ZSWIM5: variants seen among roughly 807,000 people sequenced by gnomAD.
The protein encoded by ZSWIM5 is zinc finger SWIM-type containing 5, also known as zinc finger SWIM domain-containing protein 5.
ZSWIM5 carries 55 observed loss-of-function variants against 119.6 expected under a neutral mutation model. The observed-to-expected ratio is 0.46, with a 90% CI of 0.37 to 0.58. The LOEUF is 0.58. Among genes scored for constraint, ZSWIM5 ranks in the 20% least tolerant of loss-of-function variants. The pLI is 0.00. For synonymous variants in ZSWIM5, 537 were observed against 606.9 expected (o/e 0.88, Z 1.69); for missense variants, 1,193 against 1,512.8 (o/e 0.79, Z 3.51).
chr1:45,061,101 T>C (rs1314460223), intron 2 of ZSWIM5, among the ~76,000 whole-genome samples: 1 of 152,150 alleles, frequency 6.6e-6, no homozygotes, highest in Non-Finnish European at 1.5e-5. Context: ...ACTTAAAACA[T>C]AGTTATAGTT....
intron 1 of ZSWIM5, among the ~76,000 whole-genome samples, chr1:45,107,636 T>C (rs146770239): frequency 0.023 from 2,879 of 126,338 alleles, 115 homozygotes; most frequent in African/African-American, 0.094. Flanking sequence ...AGTGAGACTC[T>C]GTCTCAAAAA....
At chr1:45,146,431 CTTTTTTTTTTTT>C (rs35073818) in intron 1 of ZSWIM5, among the ~76,000 whole-genome samples, 3 of 45,882 alleles carry the variant, frequency 6.5e-5, no homozygotes, top group Admixed American at 2.5e-4. Flanking sequence ...TGTTTCTAGA[CTTTTTTTTTTTT>C]TTTTTTTTTT....
Position 45,018,315 on chromosome 1 carries a change from A to G in ZSWIM5, c.*139T>C, listed in dbSNP as rs1644867342. On this transcript the variant is annotated 3_prime_UTR_variant, in exon 14 of 14. Transcript: ENST00000359600. The surrounding 1 kb of genome is among the most constrained non-coding windows in gnomAD (Gnocchi z 6.7). ...TATCGACTAGAGCTGGACTTTCCCC[A>G]TCCTTAGCCCTGTGGTCCTTTGGCC... 30 of 1,071,890 alleles carry G rather than the reference A, an allele frequency of 2.8e-5. No homozygotes were observed. The South Asian group carries it at 2.9e-4, about 10-fold the overall frequency. The allele number at this position is 1,071,890 out of a possible 1,614,324, so 66.4% of individuals were successfully genotyped here.
At chr1:45,081,927 C>A (rs1284178690) in intron 2 of ZSWIM5, among the ~76,000 whole-genome samples, 2 of 151,962 alleles carry the variant, frequency 1.3e-5, no homozygotes, top group African/African-American at 4.8e-5. Flanking sequence ...CGGATGGTTG[C>A]CGTGTCTGTG....
chr1:45,060,252 G>A lies in ZSWIM5; in HGVS notation c.953-5C>T, dbSNP rs1645145245. On this transcript the variant is annotated splice_polypyrimidine_tract_variant and splice_region_variant and intron_variant, in intron 2 of 13. Transcript: ENST00000359600. The stretch of plus-strand genomic sequence containing the variant: ...CAGCTGTGGGGTCAGGGGCACCTAT[G>A]AAGAATGAGAACAGTGAAATGAATC... 6.2e-7 allele frequency: 1 copy of A among 1,612,994 alleles called. No homozygotes were observed. The highest frequency in any genetic ancestry group is 8.5e-7 in the Non-Finnish European group (1 of 1,179,760).
intron 1 of ZSWIM5, among the ~76,000 whole-genome samples, chr1:45,096,677 T>G (rs1645405411): frequency 6.6e-6 from 1 of 152,144 alleles, no homozygotes; most frequent in Non-Finnish European, 1.5e-5. Context: ...ACCCACCCCT[T>G]GCCCCTCGGA....
At chr1:45,195,520 A>G (rs1351230726) in intron 1 of ZSWIM5, among the ~76,000 whole-genome samples, 1 of 152,120 alleles carries the variant, frequency 6.6e-6, no homozygotes, top group Non-Finnish European at 1.5e-5. Context: ...AGCGTAAGCC[A>G]CTGTGCCCAG....
At chr1:45,195,008 C>T (rs1206895822) in intron 1 of ZSWIM5, among the ~76,000 whole-genome samples, 1 of 152,058 alleles carries the variant, frequency 6.6e-6, no homozygotes, top group South Asian at 2.1e-4. Context: ...ATCCTGTAGT[C>T]CCCACTTCCC....
At chr1:45,121,780 G>C (rs931746174) in intron 1 of ZSWIM5, among the ~76,000 whole-genome samples, 2 of 151,570 alleles carry the variant, frequency 1.3e-5, no homozygotes, top group African/African-American at 2.4e-5. Flanking sequence ...GTAGAGACAG[G>C]GTCTCACTAT....
At chr1:45,065,771 A>G (rs778813861) in intron 2 of ZSWIM5, among the ~76,000 whole-genome samples, 11 of 152,152 alleles carry the variant, frequency 7.2e-5, no homozygotes, top group Non-Finnish European at 1.6e-4. Flanking sequence ...AACTACAAGG[A>G]GTTGGTGTGA....
chr1:45,195,873 CTTTTTTT>C (rs889418087), intron 1 of ZSWIM5, among the ~76,000 whole-genome samples: 17 of 138,580 alleles, frequency 1.2e-4, no homozygotes, highest in Admixed American at 2.9e-4. Flanking sequence ...TTTTCTTTTT[CTTTTTTT>C]TTTTTTTAGA....
chr1:45,205,927 G>C lies in ZSWIM5; in HGVS notation c.424C>G (p.Pro142Ala). 3 of 1,134,430 alleles carry C rather than the reference G, an allele frequency of 2.6e-6. No homozygotes were observed. The highest frequency in any genetic ancestry group is 3.2e-6 in the Non-Finnish European group (3 of 924,704). The allele number at this position is 1,134,430 out of a possible 1,614,324, so 70.3% of individuals were successfully genotyped here. The change falls in exon 1 of 14, where the codon CCC becomes GCC. Residue 142 changes from proline to alanine, a missense_variant. By Grantham distance (27) the Pro-to-Ala change is conservative (BLOSUM62 -1). Transcript: ENST00000359600. ...ASPAEEGPQPPPGAAAPAGSA... is the reference protein window; with the variant it reads ...ASPAEEGPQPAPGAAAPAGSA... ...CCGGCCGGAGCGGCGGCCCCGGGGG[G>C]TGGCTGCGGCCCCTCCTCGGCCGGC...
At chr1:45,136,463 A>G (rs1645691029) in intron 1 of ZSWIM5, among the ~76,000 whole-genome samples, 1 of 152,000 alleles carries the variant, frequency 6.6e-6, no homozygotes, top group African/African-American at 2.4e-5. Context: ...TACTACAGAC[A>G]TGGAAGGTCT....
chr1:45,118,468 G>A (rs899988082), intron 1 of ZSWIM5, among the ~76,000 whole-genome samples: 4 of 152,066 alleles, frequency 2.6e-5, no homozygotes, highest in African/African-American at 7.2e-5. Context: ...TTGGTGGGGC[G>A]AGGTGGCCCA....
chr1:45,151,101 A>AT lies in ZSWIM5; in HGVS notation c.595+54654dup, dbSNP rs200375987. ...CCTCAGTGCCCAGGTTCTAATCCACATATGTCTCTATGGACAATGAGACAA... is the reference window on the plus strand; with the variant it reads ...CCTCAGTGCCCAGGTTCTAATCCACATTATGTCTCTATGGACAATGAGACAA... On this transcript the variant is annotated intron_variant, in intron 1 of 13. Coordinates refer to ENST00000359600, the MANE Select transcript of ZSWIM5 (RefSeq NM_020883.2). 1.5e-4 allele frequency among the ~76,000 whole-genome samples: 23 copies of AT among 152,258 alleles called. No homozygotes were observed. In the East Asian group the frequency reaches 4.2e-3, roughly 28 times the overall value.
chr1:45,189,591 C>CA (rs1211429561), intron 1 of ZSWIM5, among the ~76,000 whole-genome samples: 1 of 151,628 alleles, frequency 6.6e-6, no homozygotes, highest in Non-Finnish European at 1.5e-5. Flanking sequence ...CTTATCTCTA[C>CA]AAAAAACACA....
intron 8 of ZSWIM5, among the ~76,000 whole-genome samples, chr1:45,038,604 C>CTTTTGTTTTTTTTTTTTTTT (rs1644999668): frequency 2.1e-5 from 1 of 48,502 alleles, no homozygotes; most frequent in Non-Finnish European, 3.5e-5. Flanking sequence ...CGAGGGCAGT[C>CTTTTGTTTTTTTTTTTTTTT]TTTTTTTTTT....
At chr1:45,070,126 T>C (rs1454909512) in intron 2 of ZSWIM5, 2 of 1,067,900 alleles carry the variant, frequency 1.9e-6, no homozygotes, top group East Asian at 2.4e-5. Flanking sequence ...TCCAGGATTA[T>C]GAAACCTAAA....
At chr1:45,198,814 G>C (rs565975356) in intron 1 of ZSWIM5, among the ~76,000 whole-genome samples, 11 of 152,318 alleles carry the variant, frequency 7.2e-5, no homozygotes, top group African/African-American at 2.4e-4. Context: ...GATGTGCTAA[G>C]TGGCTTGTAT....
Sources: allele counts gnomAD v4.1 joint callset (sites outside exome capture counted in the v4.1 genomes callset), GRCh38; gene constraint gnomAD v4.1.1; non-coding constraint Gnocchi (gnomAD v3.1); transcripts MANE v1.5; gene names NCBI Gene and HGNC (gene_info 2026-07-23, HGNC 2026-07-21).